Variants in ZSCAN18 observed in about 807,000 individuals in gnomAD.
The protein encoded by ZSCAN18 is zinc finger and SCAN domain containing 18.
In ZSCAN18, 16 loss-of-function variants were observed where a neutral mutation model predicts 31.1. The ratio of observed to expected loss-of-function variants is 0.51; its 90% CI spans 0.35 to 0.78. ZSCAN18 has a LOEUF of 0.78. ZSCAN18 is among the 30% of genes least tolerant of loss of function. The pLI is 0.01. For synonymous variants in ZSCAN18, 375 were observed against 320.7 expected (o/e 1.17, Z -1.81); for missense variants, 731 against 697.4 (o/e 1.05, Z -0.54).
chr19:58,084,315 A>C lies in ZSCAN18; in HGVS notation c.*370T>G. ...ACCCTGGGGAGCGCAAACAGGAGGA[A>C]TCGGGGCAAGGGTGACTTGAAGAAA... On this transcript the variant is annotated 3_prime_UTR_variant, in exon 7 of 7. Coordinates refer to ENST00000601144, the MANE Select transcript of ZSCAN18 (RefSeq NM_001145543.2). This position sits in a 1 kb window ranked among gnomAD's most constrained non-coding sequence, Gnocchi z 4.5. 4 of 192,308 alleles carry C rather than the reference A, an allele frequency of 2.1e-5. No individual in the cohort carries two copies. Among genetic ancestry groups the C allele is most frequent in the Non-Finnish European group, 3.2e-5 (3 of 94,634 alleles). The allele number at this position is 192,308 out of a possible 1,614,324, so 11.9% of individuals were successfully genotyped here. A position where few individuals can be genotyped will look rare whatever the true frequency, so the allele number is the denominator to read the frequency against.
intron 1 of ZSCAN18, among the ~76,000 whole-genome samples, chr19:58,110,282 C>G (rs2074670723): frequency 6.6e-6 from 1 of 152,158 alleles, no homozygotes; most frequent in South Asian, 2.1e-4. Context: ...TTCTGTCTAT[C>G]CAAACAGAAA....
At position 58,090,446 on chromosome 19, in the gene ZSCAN18, C is replaced by G. The variant is rs937880485; in HGVS notation, c.-119-60G>C. On this transcript the variant is annotated intron_variant, in intron 1 of 6. Transcript: ENST00000601144. This position sits in a 1 kb window ranked among gnomAD's most constrained non-coding sequence, Gnocchi z 4.7. ...TAAGGCCAGGGCGCAGCCACCCCAG[C>G]TGCCAGAGAACAAAGACACCACACC... 167 of 1,427,698 alleles carry G rather than the reference C, an allele frequency of 1.2e-4. No individual in the cohort carries two copies. The highest frequency in any genetic ancestry group is 1.5e-4 in the Non-Finnish European group (157 of 1,078,182). 88.4% of individuals were successfully genotyped at this position (1,427,698 alleles called of 1,614,324 possible). A position where few individuals can be genotyped will look rare whatever the true frequency, so the allele number is the denominator to read the frequency against.
chr19:58,112,854 A>C (rs1274428512), intron 1 of ZSCAN18, among the ~76,000 whole-genome samples: 1 of 134,056 alleles, frequency 7.5e-6, no homozygotes, highest in Non-Finnish European at 1.6e-5. Flanking sequence ...GGGAGGCTGA[A>C]GCAGGGGAAT....
At position 58,084,493 on chromosome 19, in the gene ZSCAN18, A is replaced by T; in HGVS notation, c.*192T>A. On this transcript the variant is annotated 3_prime_UTR_variant, in exon 7 of 7. Transcript: ENST00000601144. This position sits in a 1 kb window ranked among gnomAD's most constrained non-coding sequence, Gnocchi z 4.5. ...GCGAGCGCTGGCCCAGGGTGTGTTT[A>T]CAGAGGTGAGGGCTTCCCGTGGACC... is the stretch of plus-strand genomic sequence containing the variant. The T allele has an allele frequency of 1.9e-6, 1 of 539,788 alleles. No individual in the cohort carries two copies. Among genetic ancestry groups the T allele is most frequent in the Non-Finnish European group, 3.1e-6 (1 of 326,424 alleles). 33.4% of individuals were successfully genotyped at this position (539,788 alleles called of 1,614,324 possible).
rs1568629318 is a variant in ZSCAN18 at position 58,087,024 on chromosome 19, T to C, written c.643-16A>G. 2.5e-6 allele frequency: 4 copies of C among 1,601,118 alleles called. No homozygotes were observed. The highest frequency in any genetic ancestry group is 3.4e-6 in the Non-Finnish European group (4 of 1,170,236). Reference sequence around the variant, plus strand: ...ACTTCAGCTTCTGAAACATTAGTCGTGGCTGAGACCTCCCACCTGCCCTAG... The same window carrying C: ...ACTTCAGCTTCTGAAACATTAGTCGCGGCTGAGACCTCCCACCTGCCCTAG... On this transcript the variant is annotated splice_polypyrimidine_tract_variant and intron_variant, in intron 4 of 6. Coordinates refer to ENST00000601144, the MANE Select transcript of ZSCAN18 (RefSeq NM_001145543.2).
chr19:58,111,062 G>A (rs1301839460), intron 1 of ZSCAN18, among the ~76,000 whole-genome samples: 1 of 152,110 alleles, frequency 6.6e-6, no homozygotes, highest in East Asian at 1.9e-4. Flanking sequence ...CAGCTACTCG[G>A]GAGGCTGAGG....
At position 58,084,432 on chromosome 19, in the gene ZSCAN18, CGA is replaced by C. The variant is rs1347898692; in HGVS notation, c.*251_*252del. ...CGGCACTAAATGGCTGCAGGAAAGCCGAGTCTTCTTCCACATCCGGCGGCTCC... is the reference window on the plus strand; with the variant it reads ...CGGCACTAAATGGCTGCAGGAAAGCCGTCTTCTTCCACATCCGGCGGCTCC... On this transcript the variant is annotated 3_prime_UTR_variant, in exon 7 of 7. Coordinates refer to ENST00000601144, the MANE Select transcript of ZSCAN18 (RefSeq NM_001145543.2). This position sits in a 1 kb window ranked among gnomAD's most constrained non-coding sequence, Gnocchi z 4.5. The C allele has an allele frequency of 6.9e-6, 3 of 434,758 alleles. No individual in the cohort carries two copies. The highest frequency in any genetic ancestry group is 1.2e-5 in the Non-Finnish European group (3 of 248,310). The allele number at this position is 434,758 out of a possible 1,614,324, so 26.9% of individuals were successfully genotyped here. A position where few individuals can be genotyped will look rare whatever the true frequency, so the allele number is the denominator to read the frequency against.
upstream of ZSCAN18, among the ~76,000 whole-genome samples, chr19:58,100,531 G>A (rs747779623): frequency 1.3e-5 from 2 of 152,094 alleles, no homozygotes; most frequent in Admixed American, 6.6e-5. Flanking sequence ...TGGTCGAAAC[G>A]GGCTCCTTAT....
intron 1 of ZSCAN18, among the ~76,000 whole-genome samples, chr19:58,112,761 C>T (rs2146028798): frequency 6.6e-6 from 1 of 151,520 alleles, no homozygotes; most frequent in East Asian, 2.0e-4. Context: ...ACTAGCCTGG[C>T]CAACATGGTG....
Position 58,084,470 on chromosome 19 carries a change from G to T in ZSCAN18, c.*215C>A. 1 of 470,564 alleles carries T rather than the reference G, an allele frequency of 2.1e-6. No individual in the cohort carries two copies. The highest frequency in any genetic ancestry group is 3.5e-5 in the East Asian group (1 of 28,686). 29.1% of individuals were successfully genotyped at this position (470,564 alleles called of 1,614,324 possible). On this transcript the variant is annotated 3_prime_UTR_variant, in exon 7 of 7. Coordinates refer to ENST00000601144, the MANE Select transcript of ZSCAN18 (RefSeq NM_001145543.2). The surrounding 1 kb of genome is among the most constrained non-coding windows in gnomAD (Gnocchi z 4.5). Reference sequence around the variant, plus strand: ...ACATCCGGCGGCTCCCCTCGGATGCGAGCGCTGGCCCAGGGTGTGTTTACA... The same window carrying T: ...ACATCCGGCGGCTCCCCTCGGATGCTAGCGCTGGCCCAGGGTGTGTTTACA...
At chr19:58,099,170 T>G (rs1487106870), upstream of ZSCAN18, among the ~76,000 whole-genome samples, 1 of 152,170 alleles carries the variant, frequency 6.6e-6, no homozygotes, top group Non-Finnish European at 1.5e-5. Context: ...TGGTATTCAG[T>G]TTTATGAATT....
intron 1 of ZSCAN18, among the ~76,000 whole-genome samples, chr19:58,097,156 C>G (rs1440684845): frequency 6.6e-6 from 1 of 152,082 alleles, no homozygotes; most frequent in Non-Finnish European, 1.5e-5. Flanking sequence ...CAGCCTCGCC[C>G]AGGAGTCAGC....
At chr19:58,107,384 C>T (rs2074643158) in intron 1 of ZSCAN18, among the ~76,000 whole-genome samples, 1 of 147,998 alleles carries the variant, frequency 6.8e-6, no homozygotes. Context: ...TGGTGAAACC[C>T]TATCTCTACT....
rs543283771 is a variant in ZSCAN18, at chr19:58,108,048, G to A, written c.130+10219C>T. On this transcript the variant is annotated intron_variant, in intron 1 of 1. Coordinates refer to the ZSCAN18 transcript ENST00000595721. ...TATGAATCCTCTTGTGCCTGATGAG[G>A]TACATAATCTCAGTGAAAGATTTTT... The A allele has an allele frequency of 6.0e-6, 6 of 1,007,522 alleles. No individual in the cohort carries two copies. The African/African-American group carries it at 8.7e-5, about 15-fold the overall frequency. 62.4% of individuals were successfully genotyped at this position (1,007,522 alleles called of 1,614,324 possible).
At chr19:58,092,006 C>T (rs998566103) in intron 1 of ZSCAN18, among the ~76,000 whole-genome samples, 12 of 152,130 alleles carry the variant, frequency 7.9e-5, no homozygotes, top group Admixed American at 3.3e-4. Context: ...AAGACCTCAC[C>T]GCTGTGGGGT....
In ZSCAN18 at chr19:58,089,948, G is replaced by T; in HGVS notation, c.320C>A (p.Pro107His). 1 of 1,614,152 alleles carries T rather than the reference G, an allele frequency of 6.2e-7. No individual in the cohort carries two copies. ...FLGILPDKVR[P>H]WVVAQYPESC... ...CTCAGGGTACTGTGCCACCACCCAG[G>T]GCCGGACCTTATCAGGCAGGATGCC... Residue 107 changes from proline (P) to histidine (H), a missense_variant, in exon 2 of 7, where the codon CCC becomes CAC. By Grantham distance (77) the Pro-to-His change is moderately conservative. Around this residue, in one of 4 missense-constraint regions of ZSCAN18, gnomAD observed 46 missense variants for 60.6 expected, o/e 0.76. Transcript: ENST00000601144.
At chr19:58,112,564 T>C (rs1311827603) in intron 1 of ZSCAN18, among the ~76,000 whole-genome samples, 1 of 151,678 alleles carries the variant, frequency 6.6e-6, no homozygotes, top group African/African-American at 2.4e-5. Flanking sequence ...GGCAGGAGAA[T>C]GGCGTGAACC....
intron 1 of ZSCAN18, among the ~76,000 whole-genome samples, chr19:58,114,857 G>C (rs929512871): frequency 2.6e-5 from 4 of 152,172 alleles, no homozygotes; most frequent in Non-Finnish European, 5.9e-5. Context: ...GCCTCCTGGA[G>C]AGATATTCCA....
Position 58,090,135 on chromosome 19 carries a change from G to C in ZSCAN18, c.133C>G (p.Leu45Val). 6.2e-7 allele frequency: 1 copy of C among 1,613,800 alleles called. No homozygotes were observed. The highest frequency in any genetic ancestry group is 8.5e-7 in the Non-Finnish European group (1 of 1,179,912). The stretch of plus-strand genomic sequence containing the variant: ...CGGAAACGCAGGCGGGAGAACTCCA[G>C]GTCAGCAGGGGTCCTCTCAGGGATG... The part of the protein sequence containing the change: ...ETIPERTPAD[L>V]EFSRLRFREF... Residue 45 changes from leucine (L) to valine (V), a missense_variant, in exon 2 of 7, where the codon CTG becomes GTG. By Grantham distance (32) the Leu-to-Val change is conservative. Around this residue, in one of 4 missense-constraint regions of ZSCAN18, gnomAD observed 86 missense variants for 119.1 expected, o/e 0.72. Transcript: ENST00000601144. This position sits in a 1 kb window ranked among gnomAD's most constrained non-coding sequence, Gnocchi z 4.7.
Sources: gnomAD v4.1 joint callset for allele counts (sites outside exome capture counted in the v4.1 genomes callset) on GRCh38, gnomAD v4.1.1 for gene constraint, gnomAD v4.1.1 regional missense constraint, Gnocchi (gnomAD v3.1) non-coding constraint, MANE v1.5 for transcripts, NCBI Gene and HGNC (gene_info 2026-07-23, HGNC 2026-07-21) for gene names.